The following TDRD5 variants were observed in gnomAD, a reference collection of about 807,000 sequenced individuals.
TDRD5 encodes the protein tudor domain containing 5.
In TDRD5, 41 loss-of-function variants were observed where a neutral mutation model predicts 120.6. The observed-to-expected ratio is 0.34, with a 90% CI of 0.26 to 0.44. The LOEUF (loss-of-function observed/expected upper bound fraction) is 0.44, where lower values mean the gene tolerates loss of function less well. Among genes scored for constraint, TDRD5 ranks in the 20% least tolerant of loss-of-function variants. TDRD5 has a pLI of 1.00. For missense variants in TDRD5, 1,006 were observed against 1,221.2 expected (o/e 0.82, Z 2.63); for synonymous variants, 430 against 433.7 (o/e 0.99, Z 0.11).
intron 4 of TDRD5, among the ~76,000 whole-genome samples, chr1:179,618,159 A>G (rs1327756921): frequency 2.0e-5 from 3 of 152,124 alleles, no homozygotes. Flanking sequence ...ACAACAGAAA[A>G]ACTTTTCCTT....
intron 17 of TDRD5, among the ~76,000 whole-genome samples, chr1:179,677,319 T>C (rs1252640230): frequency 6.6e-6 from 1 of 152,210 alleles, no homozygotes; most frequent in Non-Finnish European, 1.5e-5. Flanking sequence ...CTTGATTAGC[T>C]TGATAATCAA....
rs77381394 is a variant in TDRD5, at chr1:179,618,205, G to A, written c.832-394G>A. Among the ~76,000 whole-genome samples, 21 of 152,262 alleles carry A rather than the reference G, an allele frequency of 1.4e-4. 1 individual carries two copies. In the East Asian group the frequency reaches 3.9e-3, roughly 28 times the overall value. On this transcript the variant is annotated intron_variant, in intron 4 of 17. Coordinates refer to ENST00000444136, the MANE Select transcript of TDRD5 (RefSeq NM_001199085.3). ...AGGGCCAGTTGTCCCACCGTCCAGG[G>A]ACGTTCCACCATCCCATCTCTTCCC...
chr1:179,613,622 T>A (rs1676399563), intron 4 of TDRD5, among the ~76,000 whole-genome samples: 1 of 152,190 alleles, frequency 6.6e-6, no homozygotes, highest in Non-Finnish European at 1.5e-5. Flanking sequence ...TCTTCCTCAT[T>A]CATAGATAGA....
intron 4 of TDRD5, among the ~76,000 whole-genome samples, chr1:179,608,739 T>A (rs1676120954): frequency 6.6e-6 from 1 of 152,020 alleles, no homozygotes; most frequent in South Asian, 2.1e-4. Context: ...ATTTCTGTTT[T>A]TTTTTTCCTA....
At chr1:179,643,064 C>G (rs1168051761) in intron 11 of TDRD5, among the ~76,000 whole-genome samples, 1 of 152,064 alleles carries the variant, frequency 6.6e-6, no homozygotes, top group African/African-American at 2.4e-5. Flanking sequence ...TATGATCTGC[C>G]CAAATCCTTG....
intron 4 of TDRD5, among the ~76,000 whole-genome samples, chr1:179,599,887 C>T (rs1054678858): frequency 3.3e-5 from 5 of 152,126 alleles, no homozygotes; most frequent in African/African-American, 1.2e-4. Context: ...GCAACACTTA[C>T]ATTTGTGGTG....
At chr1:179,632,673 C>A (rs1558393051) in intron 7 of TDRD5, among the ~76,000 whole-genome samples, 3 of 152,016 alleles carry the variant, frequency 2.0e-5, no homozygotes, top group African/African-American at 7.3e-5. Flanking sequence ...AGGTAACTAG[C>A]ATTAATAGTT....
chr1:179,637,719 A>G (rs935808661), intron 9 of TDRD5, among the ~76,000 whole-genome samples: 13 of 35,732 alleles, frequency 3.6e-4, no homozygotes, highest in African/African-American at 8.7e-4. Context: ...TGTCTGGGGG[A>G]AAAAAAAAAA....
At chr1:179,651,153 T>C in intron 12 of TDRD5, 86 bp downstream of exon 12, 1 of 1,443,120 alleles carries the variant, frequency 6.9e-7, no homozygotes, top group East Asian at 2.4e-5. Context: ...AGAAGTTTAT[T>C]TGGTTTATTC....
intron 12 of TDRD5, among the ~76,000 whole-genome samples, chr1:179,651,701 C>T (rs1036539588): frequency 7.9e-5 from 12 of 152,132 alleles, no homozygotes; most frequent in African/African-American, 2.9e-4. Flanking sequence ...ATCACGAGGT[C>T]AGGAGATCGA....
At chr1:179,613,652 A>G (rs962384723) in intron 4 of TDRD5, among the ~76,000 whole-genome samples, 5 of 152,286 alleles carry the variant, frequency 3.3e-5, no homozygotes, top group Admixed American at 6.5e-5. Context: ...TTGTGTCCCC[A>G]CAATGCAAAA....
At chr1:179,649,642 G>A (rs975443597) in intron 11 of TDRD5, among the ~76,000 whole-genome samples, 5 of 152,086 alleles carry the variant, frequency 3.3e-5, no homozygotes, top group African/African-American at 1.2e-4. Flanking sequence ...TTTGGGTTTT[G>A]TGGCTTTAAG....
chr1:179,603,971 T>C (rs935888589), intron 4 of TDRD5, among the ~76,000 whole-genome samples: 1 of 152,168 alleles, frequency 6.6e-6, no homozygotes, highest in African/African-American at 2.4e-5. Context: ...CTTCTTTGAA[T>C]GTCTATTAGA....
intron 13 of TDRD5, among the ~76,000 whole-genome samples, chr1:179,653,710 A>G (rs1358605192): frequency 6.6e-6 from 1 of 152,196 alleles, no homozygotes; most frequent in Non-Finnish European, 1.5e-5. Context: ...TTAAAACTCT[A>G]CTATTCCACC....
Position 179,637,471 on chromosome 1 carries a change from A to G in TDRD5, c.1520+1584A>G, listed in dbSNP as rs534410754. On this transcript the variant is annotated intron_variant, in intron 9 of 17. Transcript: ENST00000444136. ...TTATTATTAATACTATAGACTGGGTACAGTGTGGTTCATGCCTGTAAACTT... is the reference window on the plus strand; with the variant it reads ...TTATTATTAATACTATAGACTGGGTGCAGTGTGGTTCATGCCTGTAAACTT... Among the ~76,000 whole-genome samples the G allele has an allele frequency of 2.0e-4, 30 of 152,318 alleles. No homozygotes were observed. The South Asian group carries it at 6.0e-3, about 30-fold the overall frequency.
At chr1:179,688,667 C>T (rs887732102) in intron 17 of TDRD5, among the ~76,000 whole-genome samples, 1 of 152,226 alleles carries the variant, frequency 6.6e-6, no homozygotes, top group Admixed American at 6.5e-5. Context: ...TTCTCCCCAT[C>T]ACTTTCAGGT....
intron 6 of TDRD5, 62 bp downstream of exon 6, chr1:179,621,153 G>A: frequency 6.8e-7 from 1 of 1,465,850 alleles, no homozygotes; most frequent in Non-Finnish European, 9.2e-7. Flanking sequence ...GTGATAGATG[G>A]AATTTTGTGG....
At chr1:179,595,171 C>A (rs1572320618) in intron 3 of TDRD5, among the ~76,000 whole-genome samples, 1 of 152,008 alleles carries the variant, frequency 6.6e-6, no homozygotes, top group Admixed American at 6.5e-5. Context: ...GTGGTATTCC[C>A]CCTTCCTACA....
intron 17 of TDRD5, among the ~76,000 whole-genome samples, chr1:179,690,434 T>G (rs1389979195): frequency 2.6e-5 from 4 of 152,212 alleles, no homozygotes; most frequent in African/African-American, 9.6e-5. Flanking sequence ...AAGGCATCCC[T>G]TCGTTGTTCA....
Sources: allele counts gnomAD v4.1 joint callset (sites outside exome capture counted in the v4.1 genomes callset), GRCh38; gene constraint gnomAD v4.1.1; transcripts MANE v1.5; gene names NCBI Gene and HGNC (gene_info 2026-07-23, HGNC 2026-07-21).